Variants in WDR41 observed in about 807,000 individuals in gnomAD.
WDR41 encodes WD repeat domain 41.
In WDR41, 63 loss-of-function variants were observed where a neutral mutation model predicts 69.3. That is an observed-to-expected ratio of 0.91 (90% CI 0.74 to 1.12). WDR41 has a LOEUF of 1.12. WDR41 is among the 50% of genes most tolerant of loss of function. The pLI, the probability that WDR41 is intolerant of heterozygous loss-of-function variation, is 0.00. For missense variants in WDR41, 543 were observed against 534.5 expected (o/e 1.02, Z -0.16); for synonymous variants, 185 against 192.1 (o/e 0.96, Z 0.31).
At chr5:77,440,432 TGAGA>T (rs1799112655) in intron 9 of WDR41, among the ~76,000 whole-genome samples, 1 of 152,196 alleles carries the variant, frequency 6.6e-6, no homozygotes, top group Non-Finnish European at 1.5e-5. Flanking sequence ...GCCAGCAGAC[TGAGA>T]AACACTCCTA....
At chr5:77,446,741 G>A (rs149697533) in intron 8 of WDR41, among the ~76,000 whole-genome samples, 151 of 152,192 alleles carry the variant, frequency 9.9e-4, no homozygotes, top group Non-Finnish European at 1.8e-3. Context: ...AACAGACACT[G>A]GACCCCTTCC....
chr5:77,458,103 G>T (rs540911431), intron 5 of WDR41, among the ~76,000 whole-genome samples: 2 of 152,110 alleles, frequency 1.3e-5, no homozygotes, highest in African/African-American at 4.8e-5. Flanking sequence ...GAATGTAAAA[G>T]GCACATCATT....
intron 1 of WDR41, among the ~76,000 whole-genome samples, chr5:77,609,906 T>C (rs920496259): frequency 6.6e-6 from 1 of 152,088 alleles, no homozygotes; most frequent in African/African-American, 2.4e-5. Context: ...TTAAAAACTT[T>C]GAAAAAAATT....
chr5:77,455,101 C>T (rs548338282), intron 5 of WDR41, among the ~76,000 whole-genome samples: 30 of 152,218 alleles, frequency 2.0e-4, no homozygotes, highest in African/African-American at 7.0e-4. Flanking sequence ...CATTCTAGAT[C>T]CCACCAGCAA....
intron 2 of WDR41, among the ~76,000 whole-genome samples, chr5:77,472,561 G>A (rs1413466749): frequency 6.6e-6 from 1 of 152,062 alleles, no homozygotes; most frequent in Admixed American, 6.6e-5. Flanking sequence ...AAGCTGATAG[G>A]CAACTTCAGC....
chr5:77,475,246 G>A (rs919017022), intron 2 of WDR41, among the ~76,000 whole-genome samples: 30 of 152,262 alleles, frequency 2.0e-4, no homozygotes, highest in Middle Eastern at 3.4e-3. Context: ...GGGGAGGGGC[G>A]CCCGCCATTG....
intron 1 of WDR41, among the ~76,000 whole-genome samples, chr5:77,504,869 G>A (rs1256367947): frequency 2.6e-5 from 4 of 152,048 alleles, no homozygotes; most frequent in African/African-American, 9.7e-5. Flanking sequence ...TCGATGGAAC[G>A]TATCTCAAAA....
intron 1 of WDR41, among the ~76,000 whole-genome samples, chr5:77,588,805 T>G (rs1245597119): frequency 1.3e-5 from 2 of 152,212 alleles, no homozygotes; most frequent in African/African-American, 4.8e-5. Flanking sequence ...AAAAAAAATC[T>G]TTAATATTAT....
chr5:77,488,092 T>C (rs1183073257), intron 2 of WDR41, among the ~76,000 whole-genome samples: 2 of 152,204 alleles, frequency 1.3e-5, no homozygotes, highest in Non-Finnish European at 2.9e-5. Flanking sequence ...TGAGTCCTTC[T>C]AGTGAATTAT....
At chr5:77,523,262 C>T (rs1802399597) in intron 1 of WDR41, among the ~76,000 whole-genome samples, 1 of 150,660 alleles carries the variant, frequency 6.6e-6, no homozygotes, top group African/African-American at 2.4e-5. Flanking sequence ...TGCAGTGAGC[C>T]GAGATTGTGC....
intron 1 of WDR41, among the ~76,000 whole-genome samples, chr5:77,537,727 C>T (rs183392592): frequency 1.3e-5 from 2 of 152,058 alleles, no homozygotes; most frequent in African/African-American, 2.4e-5. Context: ...GGGTCGGTCT[C>T]TCCAGCAGCA....
At chr5:77,503,212 C>T (rs1282154747) in intron 1 of WDR41, among the ~76,000 whole-genome samples, 1 of 114,520 alleles carries the variant, frequency 8.7e-6, no homozygotes, top group African/African-American at 3.8e-5. Context: ...AAAAAAAAAG[C>T]AGGAGTTGCC....
chr5:77,562,371 TAAG>T (rs1743544171), intron 1 of WDR41, among the ~76,000 whole-genome samples: 1 of 152,128 alleles, frequency 6.6e-6, no homozygotes, highest in Non-Finnish European at 1.5e-5. Flanking sequence ...TTGGCGAAAA[TAAG>T]AAGCATTTGC....
Position 77,437,389 on chromosome 5 carries a change from C to T in WDR41, c.1040G>A (p.Arg347His), listed in dbSNP as rs35774719. The change falls in exon 11 of 13, where the codon CGC becomes CAC. Residue 347 changes from arginine (R) to histidine (H), a missense_variant. Physicochemically the swap from Arg to His is conservative, Grantham distance 29. Coordinates refer to ENST00000296679, the MANE Select transcript of WDR41 (RefSeq NM_018268.4). ...CTGTTTTTCTCTTAACTCCCAAATG[C>T]GTACACTGCCATCTTCTGAGCATGA... ...LISCSEDGSV[R>H]IWELREKQQL... The T allele has an allele frequency of 1.7e-4, 273 of 1,613,864 alleles. 1 individual carries two copies. In the African/African-American group the frequency reaches 3.1e-3, roughly 18 times the overall value.
chr5:77,537,685 T>C (rs982891931), intron 1 of WDR41, among the ~76,000 whole-genome samples: 6 of 152,114 alleles, frequency 3.9e-5, no homozygotes, highest in African/African-American at 1.4e-4. Flanking sequence ...GTGGAGTCAT[T>C]TGATCTCTCT....
chr5:77,485,341 G>C (rs1205291071), intron 2 of WDR41, among the ~76,000 whole-genome samples: 1 of 152,194 alleles, frequency 6.6e-6, no homozygotes, highest in Non-Finnish European at 1.5e-5. Flanking sequence ...TGTTTAGCTT[G>C]AGAATATTTC....
intron 3 of WDR41, among the ~76,000 whole-genome samples, chr5:77,464,494 G>A (rs372831856): frequency 6.6e-6 from 1 of 151,468 alleles, no homozygotes. Context: ...TTATCCGTTC[G>A]CCTTGGCCTC....
At chr5:77,608,438 C>A (rs867832229) in intron 1 of WDR41, among the ~76,000 whole-genome samples, 1 of 152,122 alleles carries the variant, frequency 6.6e-6, no homozygotes, top group South Asian at 2.1e-4. Context: ...TCTGATTAAG[C>A]CTGTAGAGGC....
intron 2 of WDR41, among the ~76,000 whole-genome samples, chr5:77,481,525 A>C (rs1801259500): frequency 6.6e-6 from 1 of 152,038 alleles, no homozygotes; most frequent in Non-Finnish European, 1.5e-5. Context: ...GGTAGCTCAC[A>C]CCTGTAATCC....
Sources: gnomAD v4.1 joint callset for allele counts (sites outside exome capture counted in the v4.1 genomes callset) on GRCh38, gnomAD v4.1.1 for gene constraint, MANE v1.5 for transcripts, NCBI Gene and HGNC (gene_info 2026-07-23, HGNC 2026-07-21) for gene names.